TMC1: variants seen among roughly 807,000 people sequenced by gnomAD.
The protein encoded by TMC1 is transmembrane channel-like protein 1.
A neutral mutation model predicts 105.8 loss-of-function variants in TMC1; 84 were observed. That is an observed-to-expected ratio of 0.79 (90% CI 0.67 to 0.95). The LOEUF (loss-of-function observed/expected upper bound fraction) is 0.95, where lower values mean the gene tolerates loss of function less well. TMC1 is among the 40% of genes least tolerant of loss of function. TMC1 has a pLI of 0.00. For synonymous variants in TMC1, 315 were observed against 311.5 expected (o/e 1.01, Z -0.12); for missense variants, 817 against 914.1 (o/e 0.89, Z 1.37).
At chr9:72,725,475 A>C (rs1212634978) in intron 8 of TMC1, among the ~76,000 whole-genome samples, 1 of 151,212 alleles carries the variant, frequency 6.6e-6, no homozygotes, top group Non-Finnish European at 1.5e-5. Flanking sequence ...AGGAGCAAGG[A>C]GAGCCAGTCC....
At chr9:72,712,205 T>C (rs560600489) in intron 8 of TMC1, among the ~76,000 whole-genome samples, 70 of 152,344 alleles carry the variant, frequency 4.6e-4, no homozygotes, top group African/African-American at 1.6e-3. Context: ...GGTAGTGTGA[T>C]GCCTCCAGCT....
At chr9:72,772,958 C>T (rs891061257) in intron 13 of TMC1, among the ~76,000 whole-genome samples, 4 of 152,124 alleles carry the variant, frequency 2.6e-5, no homozygotes. Flanking sequence ...TTGTTCTCTG[C>T]TCATTTTTTA....
intron 1 of TMC1, among the ~76,000 whole-genome samples, chr9:72,532,709 G>T (rs532134050): frequency 6.6e-6 from 1 of 152,132 alleles, no homozygotes; most frequent in Admixed American, 6.5e-5. Context: ...GATGATTTTG[G>T]ACCATAGACT....
chr9:72,741,309 T>G, intron 9 of TMC1: 1 of 332,948 alleles, frequency 3.0e-6, no homozygotes, highest in Non-Finnish European at 5.6e-6. Context: ...CTTATAGTAT[T>G]TCAGGACAGC....
chr9:72,753,656 C>T (rs776552190), intron 11 of TMC1, among the ~76,000 whole-genome samples: 5 of 152,106 alleles, frequency 3.3e-5, no homozygotes, highest in Non-Finnish European at 5.9e-5. Flanking sequence ...AGCAAAAGAA[C>T]AAGAGAATGG....
intron 5 of TMC1, among the ~76,000 whole-genome samples, chr9:72,669,074 G>A (rs1749312042): frequency 6.6e-6 from 1 of 152,194 alleles, no homozygotes; most frequent in African/African-American, 2.4e-5. Flanking sequence ...GGAGGCTGAG[G>A]TGGGGCAGAT....
At chr9:72,650,890 A>ATATATATATATATATATC in intron 5 of TMC1, among the ~76,000 whole-genome samples, 1 of 139,642 alleles carries the variant, frequency 7.2e-6, no homozygotes, top group Non-Finnish European at 1.5e-5. Context: ...ATAGATATAT[A>ATATATATATATATATATC]GATATATATA....
At chr9:72,673,331 AAAGT>A (rs1195070070) in intron 5 of TMC1, among the ~76,000 whole-genome samples, 2 of 152,138 alleles carry the variant, frequency 1.3e-5, no homozygotes, top group African/African-American at 2.4e-5. Context: ...TAAGCAGAAG[AAAGT>A]AAGTATTAAA....
At chr9:72,749,220 A>G (rs1400206881) in intron 10 of TMC1, among the ~76,000 whole-genome samples, 1 of 152,242 alleles carries the variant, frequency 6.6e-6, no homozygotes, top group African/African-American at 2.4e-5. Flanking sequence ...CGTGGCAATA[A>G]TTAGAAAAAC....
In TMC1 at chr9:72,816,222, G is replaced by C; in HGVS notation, c.1763+12G>C. The stretch of plus-strand genomic sequence containing the variant: ...CAAGGCATGATCTGGTAGGCCAGCT[G>C]TTGGACAGCTTATCACTTACAGAAA... On this transcript the variant is annotated intron_variant, in intron 19 of 23. Transcript: ENST00000297784. The C allele has an allele frequency of 6.2e-7, 1 of 1,612,682 alleles. No homozygotes were observed. The highest frequency in any genetic ancestry group is 2.2e-5 in the East Asian group (1 of 44,878).
chr9:72,528,162 C>G (rs976038838), intron 1 of TMC1, among the ~76,000 whole-genome samples: 7 of 152,080 alleles, frequency 4.6e-5, no homozygotes, highest in African/African-American at 1.7e-4. Flanking sequence ...AAAAAAAAGG[C>G]CCCAGAGAGC....
intron 19 of TMC1, chr9:72,818,699 G>A (rs1044239985): frequency 3.2e-4 from 48 of 152,138 alleles, no homozygotes; most frequent in African/African-American, 1.1e-3. Context: ...ATTTTATAAG[G>A]CTAAAGTGTT....
chr9:72,830,738 C>CTTTTTTTTTTTTT (rs71495342), intron 23 of TMC1, 56 bp downstream of exon 23: 23 of 1,148,100 alleles, frequency 2.0e-5, no homozygotes, highest in African/African-American at 7.0e-5. Flanking sequence ...CTTTTTCTTT[C>CTTTTTTTTTTTTT]TTTTTTTTTT....
chr9:72,615,575 T>A (rs1380218266), intron 2 of TMC1, among the ~76,000 whole-genome samples: 1 of 152,172 alleles, frequency 6.6e-6, no homozygotes, highest in Non-Finnish European at 1.5e-5. Context: ...TACATTAAGT[T>A]ATTTCCAAAA....
chr9:72,732,093 A>T (rs1827219965), intron 8 of TMC1, among the ~76,000 whole-genome samples: 1 of 152,226 alleles, frequency 6.6e-6, no homozygotes, highest in Admixed American at 6.5e-5. Context: ...TGATAACAAA[A>T]CTGAATGACA....
chr9:72,829,512 C>G (rs992441648), intron 21 of TMC1, among the ~76,000 whole-genome samples: 2 of 152,200 alleles, frequency 1.3e-5, no homozygotes, highest in Non-Finnish European at 2.9e-5. Context: ...CAAACACACA[C>G]ACACACAAAC....
chr9:72,559,441 G>GCCC lies in TMC1; in HGVS notation c.-427-18458_-427-18456dup, dbSNP rs551389085. On this transcript the variant is annotated intron_variant, in intron 1 of 23. Coordinates refer to ENST00000297784, the MANE Select transcript of TMC1 (RefSeq NM_138691.3). ...ATAACTCATACCAGAAACTTTGTAG[G>GCCC]CCCCCACCGATGCCCATAATCTTTA... 2.7e-3 allele frequency among the ~76,000 whole-genome samples: 404 copies of GCCC among 151,976 alleles called. 4 individuals are homozygous for GCCC. The highest frequency in any genetic ancestry group is 9.5e-3 in the African/African-American group (394 of 41,380).
At chr9:72,717,165 C>T (rs1270782144) in intron 8 of TMC1, among the ~76,000 whole-genome samples, 5 of 152,176 alleles carry the variant, frequency 3.3e-5, no homozygotes, top group African/African-American at 1.2e-4. Context: ...CCTTCTGCAT[C>T]GATCTTGCTG....
intron 5 of TMC1, among the ~76,000 whole-genome samples, chr9:72,673,094 A>G (rs1826148611): frequency 6.6e-6 from 1 of 152,214 alleles, no homozygotes; most frequent in African/African-American, 2.4e-5. Flanking sequence ...TTGGTAACTA[A>G]TATCATACTT....
Sources: gnomAD v4.1 joint callset for allele counts (sites outside exome capture counted in the v4.1 genomes callset) on GRCh38, gnomAD v4.1.1 for gene constraint, MANE v1.5 for transcripts, NCBI Gene and HGNC (gene_info 2026-07-23, HGNC 2026-07-21) for gene names.